NEO1: variants seen among roughly 807,000 people sequenced by gnomAD.
NEO1 encodes neogenin 1.
In NEO1, 63 loss-of-function variants were observed where a neutral mutation model predicts 159.7. That is an observed-to-expected ratio of 0.39 (90% CI 0.32 to 0.49). The LOEUF is 0.49. NEO1 is among the 20% of genes least tolerant of loss of function. The pLI is 0.85. For synonymous variants in NEO1, 633 were observed against 662.0 expected (o/e 0.96, Z 0.67); for missense variants, 1,615 against 1,831.0 (o/e 0.88, Z 2.15).
intron 1 of NEO1, among the ~76,000 whole-genome samples, chr15:73,100,234 G>A (rs1226768208): frequency 4.6e-5 from 7 of 151,870 alleles, no homozygotes; most frequent in Admixed American, 3.9e-4. Flanking sequence ...GTCTCCAGTC[G>A]TTCCAGGTTC....
chr15:73,221,128 T>C (rs2038229540), intron 7 of NEO1, among the ~76,000 whole-genome samples: 1 of 152,330 alleles, frequency 6.6e-6, no homozygotes, highest in Non-Finnish European at 1.5e-5. Flanking sequence ...TTCTGTTTGT[T>C]AGTTTTCCTT....
intron 5 of NEO1, among the ~76,000 whole-genome samples, chr15:73,138,224 A>T (rs1312757215): frequency 2.0e-5 from 3 of 152,180 alleles, no homozygotes; most frequent in Non-Finnish European, 2.9e-5. Flanking sequence ...AAAAGATTGG[A>T]TTGTACCTAA....
At chr15:73,298,222 T>C in intron 26 of NEO1, 126 bp from the exon 27 acceptor site, 1 of 1,123,120 alleles carries the variant, frequency 8.9e-7, no homozygotes, top group East Asian at 2.5e-5. Flanking sequence ...CCATGTTCTC[T>C]TGGACTAGCA....
chr15:73,273,404 C>T (rs1464201180), intron 19 of NEO1, among the ~76,000 whole-genome samples: 1 of 152,210 alleles, frequency 6.6e-6, no homozygotes, highest in Non-Finnish European at 1.5e-5. Flanking sequence ...GACTTTGCCT[C>T]TTTTGTGAAA....
intron 15 of NEO1, among the ~76,000 whole-genome samples, chr15:73,264,102 G>A (rs1017967598): frequency 1.3e-5 from 2 of 152,008 alleles, no homozygotes; most frequent in Non-Finnish European, 2.9e-5. Context: ...TAGGAGGATC[G>A]CTTGATCCCT....
intron 8 of NEO1, among the ~76,000 whole-genome samples, chr15:73,242,425 T>C (rs2039538721): frequency 6.6e-6 from 1 of 152,186 alleles, no homozygotes; most frequent in African/African-American, 2.4e-5. Flanking sequence ...CTCAGCACTT[T>C]GGGAGGCTGA....
intron 12 of NEO1, 76 bp downstream of exon 12, chr15:73,253,525 T>C: frequency 1.0e-6 from 1 of 986,652 alleles, no homozygotes; most frequent in Non-Finnish European, 1.5e-6. Flanking sequence ...GAAAGGGAGA[T>C]TCTGTAGGAA....
intron 6 of NEO1, 116 bp downstream of exon 6, chr15:73,176,673 G>A (rs1385279134): frequency 1.4e-6 from 1 of 706,590 alleles, no homozygotes; most frequent in African/African-American, 1.8e-5. Context: ...AAATGAAATA[G>A]AAGAATTCAC....
chr15:73,094,271 T>C (rs544909976), intron 1 of NEO1, among the ~76,000 whole-genome samples: 2 of 152,334 alleles, frequency 1.3e-5, no homozygotes, highest in South Asian at 2.1e-4. Flanking sequence ...TAACACTCTT[T>C]TGATTTACCT....
At chr15:73,255,924 C>A (rs2040323171) in intron 13 of NEO1, 1 of 152,168 alleles carries the variant, frequency 6.6e-6, no homozygotes, top group Non-Finnish European at 1.5e-5. Flanking sequence ...AGTATAGTCA[C>A]AGGGCATGTT....
At chr15:73,187,042 T>A (rs1199640284) in intron 7 of NEO1, among the ~76,000 whole-genome samples, 1 of 152,136 alleles carries the variant, frequency 6.6e-6, no homozygotes, top group Non-Finnish European at 1.5e-5. Context: ...TGTAGTCCGA[T>A]GTGTAGGGTA....
intron 4 of NEO1, among the ~76,000 whole-genome samples, chr15:73,131,700 C>G (rs1033863449): frequency 6.6e-5 from 10 of 152,188 alleles, no homozygotes; most frequent in African/African-American, 2.4e-4. Flanking sequence ...CTTATTTTAC[C>G]ACAGCACTCT....
intron 5 of NEO1, among the ~76,000 whole-genome samples, chr15:73,172,219 G>A (rs2035019441): frequency 6.6e-6 from 1 of 152,072 alleles, no homozygotes; most frequent in Non-Finnish European, 1.5e-5. Flanking sequence ...AAGAATATAG[G>A]TTTTGGAGTC....
intron 7 of NEO1, among the ~76,000 whole-genome samples, chr15:73,203,586 T>C (rs1198216327): frequency 6.6e-6 from 1 of 152,188 alleles, no homozygotes; most frequent in Admixed American, 6.5e-5. Flanking sequence ...TTGAGTACTT[T>C]ATATAATCTT....
intron 7 of NEO1, among the ~76,000 whole-genome samples, chr15:73,192,386 A>T (rs1049192211): frequency 1.3e-5 from 2 of 151,894 alleles, no homozygotes; most frequent in Non-Finnish European, 2.9e-5. Flanking sequence ...CATTTTTTTT[A>T]AACTGATCTA....
chr15:73,156,727 C>G (rs2033807032), intron 5 of NEO1, among the ~76,000 whole-genome samples: 2 of 152,108 alleles, frequency 1.3e-5, no homozygotes, highest in African/African-American at 4.8e-5. Flanking sequence ...CACAGGTGTC[C>G]CAGATGGTGG....
At chr15:73,167,837 A>G (rs1481511125) in intron 5 of NEO1, among the ~76,000 whole-genome samples, 1 of 152,218 alleles carries the variant, frequency 6.6e-6, no homozygotes, top group Non-Finnish European at 1.5e-5. Flanking sequence ...GGAACATTGC[A>G]TTACAATTAA....
In NEO1 at chr15:73,122,706, T is replaced by C. The variant is rs772886464; in HGVS notation, c.630T>C (p.Asn210=). ...KLPSGMLVIS[N]ATEGDGGLYR... is the part of the protein sequence containing the mutation. The stretch of plus-strand genomic sequence containing the variant: ...CAAGTGGAATGCTGGTTATCAGCAA[T>C]GCAACTGAAGGAGATGGCGGGCTTT... The change falls in exon 3 of 29, where the codon AAT becomes AAC. Residue 210 remains asparagine, a synonymous_variant. Coordinates refer to ENST00000261908, the MANE Select transcript of NEO1 (RefSeq NM_002499.4). 1.9e-6 allele frequency: 3 copies of C among 1,614,186 alleles called. No homozygotes were observed. The highest frequency in any genetic ancestry group is 1.1e-5 in the South Asian group (1 of 91,082).
chr15:73,274,655 G>T, intron 20 of NEO1, 37 bp from the exon 21 acceptor site: 1 of 1,610,134 alleles, frequency 6.2e-7, no homozygotes, highest in Middle Eastern at 1.7e-4. Context: ...TGTGATCCTT[G>T]CTCTTGTTTT....
Sources: allele counts gnomAD v4.1 joint callset (sites outside exome capture counted in the v4.1 genomes callset), GRCh38; gene constraint gnomAD v4.1.1; transcripts MANE v1.5; gene names NCBI Gene and HGNC (gene_info 2026-07-23, HGNC 2026-07-21).